Variants in PTPRD observed in about 807,000 individuals in gnomAD.
The protein encoded by PTPRD is protein tyrosine phosphatase receptor type D.
Under a neutral mutation model 214.5 loss-of-function variants are expected in PTPRD, and 34 were observed. That is an observed-to-expected ratio of 0.16 (90% CI 0.12 to 0.21). PTPRD has a LOEUF of 0.21. Among genes scored for constraint, PTPRD ranks in the 10% least tolerant of loss-of-function variants. PTPRD has a pLI of 1.00. For missense variants in PTPRD, 2,545 were observed against 2,398.7 expected, an observed-to-expected ratio of 1.06 and a Z score of -1.27; for synonymous variants, 1,128 against 845.7, an observed-to-expected ratio of 1.33 and a Z score of -5.79.
chr9:9,732,351 C>G (rs1405748094), intron 7 of PTPRD, among the ~76,000 whole-genome samples: 2 of 151,800 alleles, frequency 1.3e-5, no homozygotes, highest in Non-Finnish European at 2.9e-5. Flanking sequence ...AAAAAACAAA[C>G]AAACAAACAA....
At chr9:9,980,624 A>C (rs555891105) in intron 4 of PTPRD, among the ~76,000 whole-genome samples, 20 of 132,384 alleles carry the variant, frequency 1.5e-4, no homozygotes, top group Admixed American at 7.6e-4. Context: ...AAAACAAAAA[A>C]AAAAAAAAAA....
In PTPRD at chr9:9,268,461, A is replaced by AT. The variant is rs533038776; in HGVS notation, c.-202-85099dup. ...TCAAAGAGATATACAGATTTAATGC[A>AT]TTTTTTTAAATCAAGGTTCCAATGG... On this transcript the variant is annotated intron_variant, in intron 9 of 45. Transcript: ENST00000381196. Among the ~76,000 whole-genome samples the AT allele has an allele frequency of 3.6e-4, 54 of 151,268 alleles. No homozygotes were observed. In the East Asian group the frequency reaches 8.7e-3, roughly 24 times the overall value.
chr9:8,865,182 G>A (rs184220323), intron 11 of PTPRD, among the ~76,000 whole-genome samples: 4 of 152,134 alleles, frequency 2.6e-5, no homozygotes, highest in Admixed American at 2.6e-4. Context: ...ACCATCCAGG[G>A]ACAGTCCAAA....
At chr9:10,490,367 A>G (rs2039793107) in intron 2 of PTPRD, among the ~76,000 whole-genome samples, 1 of 152,186 alleles carries the variant, frequency 6.6e-6, no homozygotes, top group Admixed American at 6.5e-5. Flanking sequence ...AAAAACAGAA[A>G]ATAGGATGTA....
At chr9:9,527,251 C>T (rs1418747439) in intron 8 of PTPRD, among the ~76,000 whole-genome samples, 1 of 152,148 alleles carries the variant, frequency 6.6e-6, no homozygotes, top group Non-Finnish European at 1.5e-5. Flanking sequence ...GGTAGTATCA[C>T]CTATAAGTGT....
At chr9:9,333,231 T>C (rs890598848) in intron 9 of PTPRD, among the ~76,000 whole-genome samples, 4 of 151,556 alleles carry the variant, frequency 2.6e-5, no homozygotes, top group African/African-American at 9.7e-5. Flanking sequence ...AGAAAAGGCT[T>C]TGTAGGTGAC....
chr9:10,009,691 G>A (rs931953239), intron 4 of PTPRD, among the ~76,000 whole-genome samples: 1 of 107,890 alleles, frequency 9.3e-6, no homozygotes, highest in Non-Finnish European at 2.5e-5. Context: ...GATCTGGAAA[G>A]GGAAGGGGAT....
At chr9:9,388,689 C>G (rs1417254450) in intron 9 of PTPRD, among the ~76,000 whole-genome samples, 1 of 152,008 alleles carries the variant, frequency 6.6e-6, no homozygotes, top group Non-Finnish European at 1.5e-5. Flanking sequence ...GAGCTGAAAT[C>G]TGCCATAAAA....
intron 8 of PTPRD, among the ~76,000 whole-genome samples, chr9:9,415,753 A>T (rs2076807051): frequency 6.6e-6 from 1 of 152,210 alleles, no homozygotes; most frequent in African/African-American, 2.4e-5. Context: ...TTTAATAGAG[A>T]CACTGAGAGA....
intron 7 of PTPRD, among the ~76,000 whole-genome samples, chr9:9,708,705 T>C (rs1486988337): frequency 1.3e-5 from 2 of 152,052 alleles, no homozygotes; most frequent in South Asian, 2.1e-4. Context: ...GATAAGTCTA[T>C]ACCCGTCAGA....
At chr9:10,489,341 A>C (rs2099152952) in intron 2 of PTPRD, among the ~76,000 whole-genome samples, 1 of 152,150 alleles carries the variant, frequency 6.6e-6, no homozygotes, top group South Asian at 2.1e-4. Flanking sequence ...GATGCAAAAC[A>C]AAGTCTTCAC....
chr9:9,111,699 A>G (rs539739809), intron 10 of PTPRD, among the ~76,000 whole-genome samples: 2 of 152,226 alleles, frequency 1.3e-5, no homozygotes, highest in African/African-American at 2.4e-5. Flanking sequence ...TATACACAAG[A>G]TCTGAAATTA....
intron 7 of PTPRD, among the ~76,000 whole-genome samples, chr9:9,685,113 A>G (rs913853449): frequency 6.6e-6 from 1 of 151,562 alleles, no homozygotes; most frequent in East Asian, 1.9e-4. Flanking sequence ...TTAGGTGTGT[A>G]ATTTCATCCA....
Position 10,329,803 on chromosome 9 carries a change from A to T in PTPRD, c.-545+11160T>A, listed in dbSNP as rs1005254272. Among the ~76,000 whole-genome samples, 12 of 151,922 alleles carry T rather than the reference A, an allele frequency of 7.9e-5. 1 individual carries two copies. The highest frequency in any genetic ancestry group is 9.6e-5 in the African/African-American group (4 of 41,516). On this transcript the variant is annotated intron_variant, in intron 3 of 45. Coordinates refer to ENST00000381196, the MANE Select transcript of PTPRD (RefSeq NM_002839.4). ...ATATGCCATTTTGTATGCTTTTTCT[A>T]TTTAATGTGATATTGTATACATGTT...
chr9:8,475,277 C>G (rs561352271), intron 30 of PTPRD, among the ~76,000 whole-genome samples: 7 of 152,162 alleles, frequency 4.6e-5, no homozygotes, highest in Admixed American at 3.3e-4. Context: ...TCTTAGCAGA[C>G]CTTTTAAGAT....
intron 3 of PTPRD, among the ~76,000 whole-genome samples, chr9:10,087,368 A>G (rs144625397): frequency 2.3e-3 from 347 of 151,828 alleles, no homozygotes; most frequent in African/African-American, 7.7e-3. Context: ...TAAAAGTAAT[A>G]CCTACAAGTA....
intron 2 of PTPRD, among the ~76,000 whole-genome samples, chr9:10,383,503 A>G (rs2097858030): frequency 6.6e-6 from 1 of 151,828 alleles, no homozygotes; most frequent in African/African-American, 2.4e-5. Flanking sequence ...TTTACTTCAA[A>G]TGGAAAGGAG....
At chr9:8,426,869 C>A (rs978182137) in intron 35 of PTPRD, among the ~76,000 whole-genome samples, 4 of 150,548 alleles carry the variant, frequency 2.7e-5, no homozygotes, top group Non-Finnish European at 5.9e-5. Context: ...AGCTTTGGAA[C>A]TTGAGAAATT....
chr9:9,012,163 G>GCCAAAT (rs2099514509), intron 11 of PTPRD, among the ~76,000 whole-genome samples: 1 of 152,076 alleles, frequency 6.6e-6, no homozygotes. Context: ...CAAAGCCAAA[G>GCCAAAT]CCCTCAGTCT....
Sources: allele counts gnomAD v4.1 joint callset (sites outside exome capture counted in the v4.1 genomes callset), GRCh38; gene constraint gnomAD v4.1.1; transcripts MANE v1.5; gene names NCBI Gene and HGNC (gene_info 2026-07-23, HGNC 2026-07-21).